Variants in PIH1D1 observed in about 807,000 individuals in gnomAD.
The protein encoded by PIH1D1 is PIH1 domain containing 1.
A neutral mutation model predicts 38.5 loss-of-function variants in PIH1D1; 28 were observed. The observed-to-expected ratio is 0.73, with a 90% CI of 0.54 to 1.00. The LOEUF (loss-of-function observed/expected upper bound fraction) is 1.00, where lower values mean the gene tolerates loss of function less well. PIH1D1 is among the 50% of genes least tolerant of loss of function. The pLI is 0.00. For missense variants in PIH1D1, 343 were observed against 369.9 expected (o/e 0.93, Z 0.60); for synonymous variants, 155 against 153.5 (o/e 1.01, Z -0.07).
At position 49,448,088 on chromosome 19, in the gene PIH1D1, A is replaced by AC. The variant is rs751247407; in HGVS notation, c.338-27dup. 181 of 1,612,342 alleles carry AC rather than the reference A, an allele frequency of 1.1e-4. 1 individual carries two copies. The African/African-American group carries it at 1.9e-3, about 17-fold the overall frequency. On this transcript the variant is annotated intron_variant, in intron 3 of 8. Transcript: ENST00000262265. ...CTGCGGGGAGAAAAAGGGGGTGAGG[A>AC]CCCCCCAGCCCTCTGCAGGAAGCCC...
intron 2 of PIH1D1, 23 bp downstream of exon 2, chr19:49,450,759 C>T: frequency 6.2e-7 from 1 of 1,600,200 alleles, no homozygotes; most frequent in Non-Finnish European, 8.5e-7. Flanking sequence ...TCCTGTCCCT[C>T]TCTCTCCGGT....
chr19:49,449,924 A>G (rs1009721316), intron 2 of PIH1D1, among the ~76,000 whole-genome samples: 1 of 150,908 alleles, frequency 6.6e-6, no homozygotes, highest in African/African-American at 2.4e-5. Flanking sequence ...CCTCCCAAGT[A>G]GCTGGGATTA....
chr19:49,449,864 G>C (rs891340271), intron 2 of PIH1D1, among the ~76,000 whole-genome samples: 1 of 148,378 alleles, frequency 6.7e-6, no homozygotes, highest in Non-Finnish European at 1.5e-5. Flanking sequence ...GCGTGATCTC[G>C]GCTCACTGCA....
In PIH1D1 at chr19:49,449,578, G is replaced by C. The variant is rs772492086; in HGVS notation, c.234C>G (p.Pro78=). ...NICHSPSIPP[P]ADVTEEELLQ... is the part of the protein sequence containing the mutation. ...GCAGCTCCTCCTCGGTCACGTCGGC[G>C]GGAGGAGGGATAGAGGGGGAGTGGC... The change falls in exon 3 of 9, where the codon CCC becomes CCG. Residue 78 remains proline (P), a synonymous_variant. Transcript: ENST00000262265. 2.5e-6 allele frequency: 4 copies of C among 1,614,014 alleles called. No individual in the cohort carries two copies. The highest frequency in any genetic ancestry group is 2.2e-5 in the East Asian group (1 of 44,884).
intron 3 of PIH1D1, 39 bp downstream of exon 3, chr19:49,449,436 C>CT (rs2079044503): frequency 6.2e-7 from 1 of 1,601,462 alleles, no homozygotes; most frequent in Non-Finnish European, 8.6e-7. Flanking sequence ...AAGAAGGGGC[C>CT]TAGCGGGCCA....
intron 3 of PIH1D1, chr19:49,449,130 G>A (rs549383812): frequency 3.4e-5 from 13 of 377,234 alleles, no homozygotes; most frequent in African/African-American, 2.3e-4. Flanking sequence ...CAACAAGAGC[G>A]AAACTCCATC....
At chr19:49,446,834 T>A in intron 7 of PIH1D1, 140 bp from the exon 8 acceptor site, 1 of 1,145,026 alleles carries the variant, frequency 8.7e-7, no homozygotes, top group Non-Finnish European at 1.3e-6. Context: ...CAATTACAAG[T>A]CTCAACGACC....
At position 49,447,428 on chromosome 19, in the gene PIH1D1, A is replaced by G; in HGVS notation, c.521T>C (p.Ile174Thr). Reference protein sequence around the residue: ...MMKNRPFMGSISQQNIRSEQR... With the variant: ...MMKNRPFMGSTSQQNIRSEQR... ...CTCCGAGCGGATGTTCTGCTGCGAG[A>G]TGGAGCCCATGAATGGCCGGTTCTT... is the stretch of plus-strand genomic sequence containing the variant. The change falls in exon 6 of 9, where the codon ATC becomes ACC. Residue 174 changes from isoleucine to threonine, a missense_variant. Physicochemically the swap from Ile to Thr is moderately conservative, Grantham distance 89. Transcript: ENST00000262265. The G allele has an allele frequency of 6.2e-7, 1 of 1,612,276 alleles. No individual in the cohort carries two copies. The highest frequency in any genetic ancestry group is 8.5e-7 in the Non-Finnish European group (1 of 1,179,962).
intron 3 of PIH1D1, 28 bp from the exon 4 acceptor site, chr19:49,448,090 C>T (rs765825941): frequency 1.9e-6 from 3 of 1,612,152 alleles, no homozygotes; most frequent in Middle Eastern, 1.7e-4. Context: ...GGGTGAGGAC[C>T]CCCCAGCCCT....
chr19:49,450,609 C>T (rs1194087553), intron 2 of PIH1D1, among the ~76,000 whole-genome samples, 173 bp downstream of exon 2: 1 of 152,076 alleles, frequency 6.6e-6, no homozygotes, highest in African/African-American at 2.4e-5. Flanking sequence ...TTCTCTGGCC[C>T]CCTACCTACT....
chr19:49,447,610 G>A (rs2079032316), intron 5 of PIH1D1, 143 bp from the exon 6 acceptor site: 3 of 1,044,954 alleles, frequency 2.9e-6, no homozygotes, highest in African/African-American at 1.6e-5. Flanking sequence ...CAGGAAGCCC[G>A]CCCACCTTAG....
chr19:49,449,263 T>G, intron 3 of PIH1D1: 4 of 679,084 alleles, frequency 5.9e-6, no homozygotes, highest in Middle Eastern at 2.3e-4. Context: ...GAGTGGGGCA[T>G]GGAAAAGTGC....
chr19:49,446,845 G>T, intron 7 of PIH1D1, 151 bp from the exon 8 acceptor site: 1 of 1,115,772 alleles, frequency 9.0e-7, no homozygotes, highest in Non-Finnish European at 1.3e-6. Context: ...CTCAACGACC[G>T]AGCACTTACA....
chr19:49,451,803 C>CGAACT lies in PIH1D1; in HGVS notation c.-234_-230dup. The CGAACT allele has an allele frequency of 7.6e-7, 1 of 1,308,932 alleles. No individual in the cohort carries two copies. Among genetic ancestry groups the CGAACT allele is most frequent in the Non-Finnish European group, 9.9e-7 (1 of 1,007,352 alleles). The allele number at this position is 1,308,932 out of a possible 1,614,324, so 81.1% of individuals were successfully genotyped here. A position where few individuals can be genotyped will look rare whatever the true frequency, so the allele number is the denominator to read the frequency against. ...ACGCACTACCCTCCGTCCTACGTGC[C>CGAACT]GAACTGTAAACGAAGCCACACTTCC... On this transcript the variant is annotated 5_prime_UTR_variant, in exon 1 of 9. Transcript: ENST00000262265.
At position 49,447,384 on chromosome 19, in the gene PIH1D1, C is replaced by A. The variant is rs779942617; in HGVS notation, c.565G>T (p.Glu189Ter). Residue 189 changes from glutamate (E) to a stop codon, truncating the protein, a stop_gained, in exon 6 of 9, where the codon GAG becomes TAG. Coordinates refer to ENST00000262265, the MANE Select transcript of PIH1D1 (RefSeq NM_017916.3). LOFTEE classifies it high-confidence loss of function. ...GCGGGCGTGTACAGGTCCCCCAGCTCCTGGATCCGAGGACGCTGCTCCGAG... is the reference window on the plus strand; with the variant it reads ...GCGGGCGTGTACAGGTCCCCCAGCTACTGGATCCGAGGACGCTGCTCCGAG... ...IRSEQRPRIQ[E>*]LGDLYTPAPG... 3.1e-6 allele frequency: 5 copies of A among 1,613,834 alleles called. No homozygotes were observed. The highest frequency in any genetic ancestry group is 4.2e-6 in the Non-Finnish European group (5 of 1,179,988).
At chr19:49,449,402 G>T (rs777089224) in intron 3 of PIH1D1, 73 bp downstream of exon 3, 17 of 1,429,258 alleles carry the variant, frequency 1.2e-5, no homozygotes, top group Non-Finnish European at 1.7e-5. Flanking sequence ...AGGGTCCTGG[G>T]CCCAGGATTC....
In PIH1D1 at chr19:49,451,615, C is replaced by G. The variant is rs1416620253; in HGVS notation, c.-41G>C. ...ATCTAGGCGTCCTCGAGACCCTCAACGTGGGAAACTTTGCCCAGGATCCGA... is the reference window on the plus strand; with the variant it reads ...ATCTAGGCGTCCTCGAGACCCTCAAGGTGGGAAACTTTGCCCAGGATCCGA... On this transcript the variant is annotated 5_prime_UTR_variant, in exon 1 of 9. Coordinates refer to ENST00000262265, the MANE Select transcript of PIH1D1 (RefSeq NM_017916.3). 13 of 1,607,232 alleles carry G rather than the reference C, an allele frequency of 8.1e-6. No homozygotes were observed. Among genetic ancestry groups the G allele is most frequent in the Non-Finnish European group, 9.3e-6 (11 of 1,178,758 alleles).
intron 5 of PIH1D1, 59 bp downstream of exon 5, chr19:49,447,764 GGGGT>G: frequency 1.3e-6 from 2 of 1,515,892 alleles, no homozygotes; most frequent in Non-Finnish European, 1.8e-6. Flanking sequence ...TCCTCTCCTA[GGGGT>G]GTTCCCCAAA....
chr19:49,447,957 G>A, intron 4 of PIH1D1, 44 bp downstream of exon 4: 3 of 1,613,512 alleles, frequency 1.9e-6, no homozygotes, highest in African/African-American at 1.3e-5. Flanking sequence ...GAGGGTAGGG[G>A]TAGAGACCCC....
Sources: allele counts gnomAD v4.1 joint callset (sites outside exome capture counted in the v4.1 genomes callset), GRCh38; gene constraint gnomAD v4.1.1; transcripts MANE v1.5; gene names NCBI Gene and HGNC (gene_info 2026-07-23, HGNC 2026-07-21).